N4BP2L2: variants seen among roughly 807,000 people sequenced by gnomAD.
N4BP2L2 encodes NEDD4 binding protein 2 like 2.
Under a neutral mutation model 56.2 loss-of-function variants are expected in N4BP2L2, and 50 were observed. The observed-to-expected ratio is 0.89, with a 90% confidence interval of 0.71 to 1.13. The LOEUF is 1.13. Ranked by LOEUF, N4BP2L2 falls within the 50% of genes most tolerant of loss-of-function variation. N4BP2L2 has a pLI of 0.00. For missense variants in N4BP2L2, 689 were observed against 693.8 expected (o/e 0.99, Z 0.08); for synonymous variants, 203 against 223.6 (o/e 0.91, Z 0.82).
At chr13:32,526,848 C>CTTTTTTTTTTTTTTTTTTTTTTTTTTT (rs1403656970) in intron 3 of N4BP2L2, 12 of 49,704 alleles carry the variant, frequency 2.4e-4, no homozygotes, top group African/African-American at 7.8e-4. Context: ...TTTTTTTTTG[C>CTTTTTTTTTTTTTTTTTTTTTTTTTTT]TTTTTTTTAA....
intron 6 of N4BP2L2, among the ~76,000 whole-genome samples, chr13:32,481,100 CA>C (rs2084593691): frequency 1.0e-5 from 1 of 99,390 alleles, no homozygotes; most frequent in Non-Finnish European, 1.7e-5. Flanking sequence ...GCCTCAGCAA[CA>C]GAGTGAGACT....
chr13:32,481,090 G>C (rs1477497888), intron 6 of N4BP2L2, among the ~76,000 whole-genome samples: 1 of 107,974 alleles, frequency 9.3e-6, no homozygotes, highest in Non-Finnish European at 1.7e-5. Context: ...CTGCGCTCCA[G>C]CCTCAGCAAC....
At chr13:32,484,232 T>C (rs2085392212) in intron 6 of N4BP2L2, among the ~76,000 whole-genome samples, 1 of 151,844 alleles carries the variant, frequency 6.6e-6, no homozygotes, top group South Asian at 2.1e-4. Flanking sequence ...TGAACTGAGG[T>C]GGGAGGATTG....
chr13:32,461,812 G>A (rs535117393), intron 6 of N4BP2L2, among the ~76,000 whole-genome samples: 1 of 152,114 alleles, frequency 6.6e-6, no homozygotes, highest in African/African-American at 2.4e-5. Flanking sequence ...TATGTTGCCA[G>A]GTTGGTCTTG....
chr13:32,437,292 A>C (rs2075640556), intron 8 of N4BP2L2, among the ~76,000 whole-genome samples: 1 of 152,178 alleles, frequency 6.6e-6, no homozygotes, highest in African/African-American at 2.4e-5. Context: ...GATGAGGAAA[A>C]ATGTATTTGG....
intron 6 of N4BP2L2, among the ~76,000 whole-genome samples, chr13:32,471,104 C>T (rs1302654178): frequency 1.3e-5 from 2 of 152,166 alleles, no homozygotes; most frequent in Non-Finnish European, 2.9e-5. Flanking sequence ...AATAGCTAGG[C>T]AGTTTATCAA....
exon 2 of N4BP2L2, chr13:32,536,220 A>C: frequency 6.2e-7 from 1 of 1,614,000 alleles, no homozygotes; most frequent in Non-Finnish European, 8.5e-7. Context: ...GGATATACTG[A>C]CTGCCATTCA....
intron 6 of N4BP2L2, among the ~76,000 whole-genome samples, chr13:32,473,460 AG>A (rs1871562938): frequency 6.6e-6 from 1 of 152,240 alleles, no homozygotes; most frequent in Non-Finnish European, 1.5e-5. Flanking sequence ...TATAAAAAAC[AG>A]TGTATTCATT....
intron 6 of N4BP2L2, among the ~76,000 whole-genome samples, chr13:32,502,977 A>T (rs116943782): frequency 1.6e-3 from 241 of 152,232 alleles, no homozygotes; most frequent in Non-Finnish European, 2.8e-3. Flanking sequence ...GTTCGATACC[A>T]GCCTAGCCAA....
At chr13:32,442,840 G>A (rs767529617) in exon 7 of N4BP2L2, 1 of 1,613,636 alleles carries the variant, frequency 6.2e-7, no homozygotes, top group South Asian at 1.1e-5. Context: ...ATTTAAAGGG[G>A]TAGCTTTGAT....
intron 6 of N4BP2L2, among the ~76,000 whole-genome samples, chr13:32,492,726 A>G: frequency 6.6e-6 from 1 of 152,090 alleles, no homozygotes; most frequent in East Asian, 1.9e-4. Context: ...ACATTTCTAA[A>G]CCTTTTCAAA....
At chr13:32,444,040 T>C in exon 7 of N4BP2L2, 1 of 1,604,120 alleles carries the variant, frequency 6.2e-7, no homozygotes, top group African/African-American at 1.3e-5. Flanking sequence ...GATTCTATTC[T>C]GACTGTTCTG....
chr13:32,456,040 T>C (rs932297747), intron 6 of N4BP2L2, among the ~76,000 whole-genome samples: 4 of 152,222 alleles, frequency 2.6e-5, no homozygotes, highest in Non-Finnish European at 5.9e-5. Context: ...CTGCTACTCC[T>C]GGCACCTGAG....
intron 6 of N4BP2L2, among the ~76,000 whole-genome samples, chr13:32,498,509 T>C (rs2089278298): frequency 6.6e-6 from 1 of 151,810 alleles, no homozygotes; most frequent in African/African-American, 2.4e-5. Context: ...GCCCAGCTAA[T>C]TTCTGTATTT....
downstream of N4BP2L2, chr13:32,506,926 T>TA (rs1180821685): frequency 6.9e-6 from 1 of 144,800 alleles, no homozygotes; most frequent in Admixed American, 6.9e-5. Flanking sequence ...ATTTTCCCTT[T>TA]AAAAAGATCA....
At chr13:32,473,914 T>C (rs775667909) in intron 6 of N4BP2L2, among the ~76,000 whole-genome samples, 23 of 152,200 alleles carry the variant, frequency 1.5e-4, no homozygotes, top group Admixed American at 3.9e-4. Context: ...CCATGTAAGA[T>C]AAGATAGTCA....
intron 6 of N4BP2L2, among the ~76,000 whole-genome samples, chr13:32,452,385 T>C (rs1310040833): frequency 4.6e-5 from 7 of 152,160 alleles, no homozygotes. Flanking sequence ...TTTTTCAAAA[T>C]GCTAACATAG....
At chr13:32,489,728 C>G (rs973763544) in intron 6 of N4BP2L2, among the ~76,000 whole-genome samples, 1 of 148,840 alleles carries the variant, frequency 6.7e-6, no homozygotes, top group African/African-American at 2.5e-5. Context: ...TATTACAAAT[C>G]TAGTTTAATC....
chr13:32,486,670 C>A (rs574430579), intron 6 of N4BP2L2, among the ~76,000 whole-genome samples: 1 of 150,162 alleles, frequency 6.7e-6, no homozygotes, highest in Middle Eastern at 3.5e-3. Flanking sequence ...AGCAAGACTT[C>A]ATCTCAAAAT....
Sources: gnomAD v4.1 joint callset for allele counts (sites outside exome capture counted in the v4.1 genomes callset) on GRCh38, gnomAD v4.1.1 for gene constraint, MANE v1.5 for transcripts, NCBI Gene and HGNC (gene_info 2026-07-23, HGNC 2026-07-21) for gene names.